The following PCDH7 variants were observed in gnomAD, a reference collection of about 807,000 sequenced individuals.
The protein encoded by PCDH7 is protocadherin 7, also known as protocadherin-7.
In PCDH7, 17 loss-of-function variants were observed where a neutral mutation model predicts 58.9. That is an observed-to-expected ratio of 0.29 (90% CI 0.20 to 0.43). The LOEUF (loss-of-function observed/expected upper bound fraction) is 0.43, where lower values mean the gene tolerates loss of function less well. PCDH7 is among the 20% of genes least tolerant of loss of function. The probability of loss-of-function intolerance (pLI) is 1.00; values close to 1 mark genes in which losing one functional copy is unlikely to be tolerated. For missense variants in PCDH7, 1,274 were observed against 1,441.0 expected, an observed-to-expected ratio of 0.88 and a Z score of 1.88; for synonymous variants, 664 against 616.4, an observed-to-expected ratio of 1.08 and a Z score of -1.14.
chr4:31,067,704 A>T (rs983260291), intron 3 of PCDH7, among the ~76,000 whole-genome samples: 11 of 152,144 alleles, frequency 7.2e-5, no homozygotes, highest in Non-Finnish European at 1.2e-4. Context: ...AGCTTAGTTC[A>T]TTCATTTATG....
chr4:30,990,228 T>A (rs575859508), intron 3 of PCDH7, among the ~76,000 whole-genome samples: 1 of 152,130 alleles, frequency 6.6e-6, no homozygotes, highest in South Asian at 2.1e-4. Flanking sequence ...CATGCAATGA[T>A]AGCCTCAAAG....
chr4:30,746,029 A>T (rs901695018), intron 1 of PCDH7, among the ~76,000 whole-genome samples: 1 of 151,932 alleles, frequency 6.6e-6, no homozygotes, highest in Admixed American at 6.6e-5. Context: ...GGGTTTCAGC[A>T]TGTTGGCCAG....
At chr4:30,770,868 A>C (rs1721311901) in intron 1 of PCDH7, among the ~76,000 whole-genome samples, 1 of 152,194 alleles carries the variant, frequency 6.6e-6, no homozygotes, top group South Asian at 2.1e-4. Flanking sequence ...AACCATATAC[A>C]CTATATGATT....
At chr4:30,801,751 A>G (rs1454855124) in intron 1 of PCDH7, among the ~76,000 whole-genome samples, 1 of 152,216 alleles carries the variant, frequency 6.6e-6, no homozygotes, top group African/African-American at 2.4e-5. Flanking sequence ...CAGGAAAGAA[A>G]AAGGTGTATT....
chr4:30,928,274 T>G (rs1744143228), intron 2 of PCDH7, among the ~76,000 whole-genome samples: 1 of 152,224 alleles, frequency 6.6e-6, no homozygotes, highest in South Asian at 2.1e-4. Flanking sequence ...AGAAACCATT[T>G]TATCTCAATA....
chr4:30,800,165 A>G (rs1346338840), intron 1 of PCDH7, among the ~76,000 whole-genome samples: 1 of 151,950 alleles, frequency 6.6e-6, no homozygotes, highest in Non-Finnish European at 1.5e-5. Context: ...GCGTATGAAT[A>G]TAACTTCTAC....
intron 3 of PCDH7, among the ~76,000 whole-genome samples, chr4:31,029,815 C>A (rs894739602): frequency 6.6e-6 from 1 of 152,094 alleles, no homozygotes; most frequent in South Asian, 2.1e-4. Flanking sequence ...GGGGTTCAGG[C>A]ATAATAAAGT....
chr4:30,987,633 C>T (rs1281604707), intron 3 of PCDH7: 2 of 151,972 alleles, frequency 1.3e-5, no homozygotes, highest in East Asian at 3.9e-4. Flanking sequence ...GCCTGGGGAA[C>T]ATAGTGAGAA....
chr4:30,989,672 A>G (rs1199409431), intron 3 of PCDH7, among the ~76,000 whole-genome samples: 1 of 152,176 alleles, frequency 6.6e-6, no homozygotes, highest in Non-Finnish European at 1.5e-5. Context: ...TCACTGGTCT[A>G]ACACTCAATG....
At chr4:31,071,872 T>C (rs1758568538) in intron 3 of PCDH7, among the ~76,000 whole-genome samples, 1 of 152,094 alleles carries the variant, frequency 6.6e-6, no homozygotes, top group Non-Finnish European at 1.5e-5. Flanking sequence ...ACAGGATACA[T>C]GCTTTTCTGG....
chr4:30,846,433 G>A (rs907040669), intron 1 of PCDH7, among the ~76,000 whole-genome samples: 9 of 151,484 alleles, frequency 5.9e-5, no homozygotes, highest in South Asian at 2.1e-4. Context: ...AAGAAGGCCC[G>A]CACCAGATGC....
At chr4:30,748,640 T>A (rs1391670161) in intron 1 of PCDH7, among the ~76,000 whole-genome samples, 1 of 152,206 alleles carries the variant, frequency 6.6e-6, no homozygotes, top group African/African-American at 2.4e-5. Context: ...ACTATTACAA[T>A]GGCAATTAAG....
intron 1 of PCDH7, among the ~76,000 whole-genome samples, chr4:30,790,014 T>C (rs1364324915): frequency 1.3e-5 from 2 of 152,206 alleles, no homozygotes; most frequent in African/African-American, 2.4e-5. Flanking sequence ...GCAGAATCCA[T>C]CATTAGATTT....
At chr4:30,796,611 C>T (rs2109302755) in intron 1 of PCDH7, among the ~76,000 whole-genome samples, 1 of 152,324 alleles carries the variant, frequency 6.6e-6, no homozygotes, top group South Asian at 2.1e-4. Flanking sequence ...ACTGCTGCCT[C>T]AGATTCTTGC....
chr4:31,013,709 T>C (rs965928781), intron 3 of PCDH7, among the ~76,000 whole-genome samples: 2 of 152,030 alleles, frequency 1.3e-5, no homozygotes, highest in African/African-American at 4.8e-5. Flanking sequence ...ATAAATGTTA[T>C]GTGTTTACTG....
intron 3 of PCDH7, among the ~76,000 whole-genome samples, chr4:31,066,825 T>C (rs1484972230): frequency 6.6e-6 from 1 of 151,788 alleles, no homozygotes; most frequent in Non-Finnish European, 1.5e-5. Flanking sequence ...CACCTCCAAA[T>C]AGTAGACAAA....
At chr4:30,743,830 G>A (rs1717407324) in intron 1 of PCDH7, among the ~76,000 whole-genome samples, 1 of 152,070 alleles carries the variant, frequency 6.6e-6, no homozygotes, top group African/African-American at 2.4e-5. Flanking sequence ...TCAGTTTGGT[G>A]AACATTGAAA....
chr4:30,740,847 A>G (rs1716973608), intron 1 of PCDH7, among the ~76,000 whole-genome samples: 1 of 150,588 alleles, frequency 6.6e-6, no homozygotes, highest in Non-Finnish European at 1.5e-5. Context: ...TTTACTTCTT[A>G]TTAAAAGCAT....
chr4:30,945,526 T>C (rs1052067452), intron 2 of PCDH7, among the ~76,000 whole-genome samples: 4 of 152,162 alleles, frequency 2.6e-5, no homozygotes, highest in South Asian at 2.1e-4. Flanking sequence ...ATTATTCTTT[T>C]AACTCATTTA....
Sources: gnomAD v4.1 joint callset for allele counts (sites outside exome capture counted in the v4.1 genomes callset) on GRCh38, gnomAD v4.1.1 for gene constraint, MANE v1.5 for transcripts, NCBI Gene and HGNC (gene_info 2026-07-23, HGNC 2026-07-21) for gene names.